The following ALOX5 variants were observed in gnomAD, a reference collection of about 807,000 sequenced individuals.
ALOX5 encodes arachidonate 5-lipoxygenase.
Under a neutral mutation model 87.9 loss-of-function variants are expected in ALOX5, and 64 were observed. The ratio of observed to expected loss-of-function variants is 0.73; its 90% CI spans 0.60 to 0.90. The LOEUF (loss-of-function observed/expected upper bound fraction) is 0.90. Ranked by LOEUF, ALOX5 falls within the 40% of genes least tolerant of loss-of-function variation. ALOX5 has a pLI of 0.00. For missense variants in ALOX5, 822 were observed against 907.5 expected, an observed-to-expected ratio of 0.91 and a Z score of 1.21; for synonymous variants, 388 against 355.1, an observed-to-expected ratio of 1.09 and a Z score of -1.04.
At chr10:45,406,490 C>A (rs927841585) in intron 3 of ALOX5, among the ~76,000 whole-genome samples, 5 of 152,174 alleles carry the variant, frequency 3.3e-5, no homozygotes, top group African/African-American at 1.2e-4. Flanking sequence ...TACTGAGATT[C>A]AGTCTTTCCA....
rs1411503989 is a variant in ALOX5, at chr10:45,443,323, G to T, written c.1452-93G>T. 5.1e-6 allele frequency: 8 copies of T among 1,584,072 alleles called. No homozygotes were observed. In the East Asian group the frequency reaches 9.0e-5, roughly 18 times the overall value. On this transcript the variant is annotated intron_variant, in intron 10 of 13. Transcript: ENST00000374391. ...CGCTAGCGCTGAATGGGGACGGGGT[G>T]GGGGAGTCCCAGCGTCCGTGAGGGG...
intron 10 of ALOX5, 48 bp downstream of exon 10, chr10:45,443,264 G>A: frequency 1.3e-6 from 2 of 1,595,144 alleles, no homozygotes; most frequent in Non-Finnish European, 1.7e-6. Flanking sequence ...CGGGACCCCT[G>A]CCTGACTACC....
At chr10:45,422,485 C>T (rs1402928878) in intron 4 of ALOX5, among the ~76,000 whole-genome samples, 2 of 152,162 alleles carry the variant, frequency 1.3e-5, no homozygotes, top group African/African-American at 2.4e-5. Flanking sequence ...AGGAGTGCCC[C>T]GGGCACAGTC....
chr10:45,411,344 T>C (rs190835238), intron 3 of ALOX5, among the ~76,000 whole-genome samples: 175 of 152,298 alleles, frequency 1.1e-3, no homozygotes, highest in Non-Finnish European at 2.1e-3. Context: ...CCTAACCTCC[T>C]GGGAATGCTG....
At chr10:45,423,616 G>A (rs547591353) in intron 4 of ALOX5, among the ~76,000 whole-genome samples, 3 of 152,300 alleles carry the variant, frequency 2.0e-5, no homozygotes, top group Admixed American at 2.0e-4. Context: ...CAAACACGGA[G>A]CCATTTAGCA....
chr10:45,437,022 C>T (rs1306110394), intron 7 of ALOX5, among the ~76,000 whole-genome samples: 1 of 152,194 alleles, frequency 6.6e-6, no homozygotes, highest in East Asian at 1.9e-4. Flanking sequence ...ATATGGTTCT[C>T]AGCCTGAACC....
chr10:45,426,624 G>T (rs1766955264), intron 6 of ALOX5, among the ~76,000 whole-genome samples: 1 of 152,300 alleles, frequency 6.6e-6, no homozygotes, highest in South Asian at 2.1e-4. Context: ...TGAGTTCTTA[G>T]ACTTTATATT....
chr10:45,418,509 G>T (rs1159941766), intron 4 of ALOX5, among the ~76,000 whole-genome samples: 1 of 152,178 alleles, frequency 6.6e-6, no homozygotes, highest in African/African-American at 2.4e-5. Context: ...TCACACACCG[G>T]CCTAGGGCTG....
chr10:45,425,027 T>G lies in ALOX5; in HGVS notation c.729T>G (p.Pro243=), dbSNP rs991395117. 4 of 1,614,184 alleles carry G rather than the reference T, an allele frequency of 2.5e-6. No homozygotes were observed. Among genetic ancestry groups the G allele is most frequent in the Admixed American group, 1.7e-5 (1 of 60,028 alleles). Reference sequence around the variant, plus strand: ...ACCAGTTCCTGAATGGCTGCAACCCTGTGTTGATCCGGCGCTGCACAGAGC... The same window carrying G: ...ACCAGTTCCTGAATGGCTGCAACCCGGTGTTGATCCGGCGCTGCACAGAGC... The part of the protein sequence containing the change: ...FGYQFLNGCN[P]VLIRRCTELP... The change falls in exon 6 of 14, where the codon CCT becomes CCG. Residue 243 remains proline (P), a synonymous_variant. Coordinates refer to ENST00000374391, the MANE Select transcript of ALOX5 (RefSeq NM_000698.5). The surrounding 1 kb of genome is among the most constrained non-coding windows in gnomAD (Gnocchi z 4.4).
intron 2 of ALOX5, among the ~76,000 whole-genome samples, chr10:45,392,847 AT>A (rs1331464087): frequency 3.3e-5 from 5 of 152,238 alleles, no homozygotes; most frequent in Non-Finnish European, 7.3e-5. Context: ...TAACTAGAAA[AT>A]CTAGAAAAAA....
Position 45,443,511 on chromosome 10 carries a change from A to G in ALOX5, c.1547A>G (p.Tyr516Cys). Residue 516 changes from tyrosine to cysteine, a missense_variant, in exon 11 of 14, where the codon TAC (tyrosine) becomes TGC (cysteine). By Grantham distance (194) the Tyr-to-Cys change is radical. Transcript: ENST00000374391. ...LQDFVNDVYVYGMRGRKSSGF... is the reference protein window; with the variant it reads ...LQDFVNDVYVCGMRGRKSSGF... ...GACTTCGTGAACGATGTCTACGTGTACGGCATGCGGGGCCGCAAGTCCTCA... is the reference window on the plus strand; with the variant it reads ...GACTTCGTGAACGATGTCTACGTGTGCGGCATGCGGGGCCGCAAGTCCTCA... The G allele has an allele frequency of 6.2e-7, 1 of 1,613,014 alleles. No homozygotes were observed. Among genetic ancestry groups the G allele is most frequent in the South Asian group, 1.1e-5 (1 of 91,074 alleles).
At chr10:45,416,928 A>G (rs1202859894) in intron 4 of ALOX5, among the ~76,000 whole-genome samples, 2 of 151,604 alleles carry the variant, frequency 1.3e-5, no homozygotes, top group African/African-American at 2.4e-5. Flanking sequence ...AGACAGAGAG[A>G]TGGATGGATA....
intron 4 of ALOX5, among the ~76,000 whole-genome samples, chr10:45,413,929 A>G (rs983131070): frequency 1.2e-4 from 18 of 152,280 alleles, no homozygotes; most frequent in Admixed American, 7.2e-4. Context: ...ACTGCTCAAC[A>G]AAATAAAAGA....
intron 1 of ALOX5, among the ~76,000 whole-genome samples, chr10:45,379,310 A>G (rs571619083): frequency 2.6e-5 from 4 of 152,066 alleles, no homozygotes; most frequent in Non-Finnish European, 5.9e-5. Context: ...TCAGAGCCAT[A>G]GGAAAGCTAC....
In ALOX5 at chr10:45,374,269, C is replaced by A. The variant is rs766798567; in HGVS notation, c.-11C>A. 6 of 1,468,454 alleles carry A rather than the reference C, an allele frequency of 4.1e-6. No homozygotes were observed. The South Asian group carries it at 5.3e-5, about 13-fold the overall frequency. The allele number at this position is 1,468,454 out of a possible 1,614,324, so 91.0% of individuals were successfully genotyped here. A position where few individuals can be genotyped will look rare whatever the true frequency, so the allele number is the denominator to read the frequency against. On this transcript the variant is annotated 5_prime_UTR_variant, in exon 1 of 14. Transcript: ENST00000374391. Reference sequence around the variant, plus strand: ...AGGCTCCCGGCGCTCGCTGCTCCCGCGGCCCGCGCCATGCCCTCCTACACG... The same window carrying A: ...AGGCTCCCGGCGCTCGCTGCTCCCGAGGCCCGCGCCATGCCCTCCTACACG...
intron 6 of ALOX5, among the ~76,000 whole-genome samples, chr10:45,427,572 G>T (rs1044373832): frequency 1.3e-5 from 2 of 152,226 alleles, no homozygotes; most frequent in African/African-American, 2.4e-5. Context: ...GCGCGGGCGC[G>T]GTCGGTGGAG....
At chr10:45,442,351 G>A (rs1326343105) in intron 9 of ALOX5, among the ~76,000 whole-genome samples, 1 of 152,220 alleles carries the variant, frequency 6.6e-6, no homozygotes, top group African/African-American at 2.4e-5. Flanking sequence ...AAGTGCTGGG[G>A]GGCAGCTCTG....
intron 3 of ALOX5, among the ~76,000 whole-genome samples, chr10:45,401,530 C>T (rs867056576): frequency 3.9e-5 from 6 of 152,146 alleles, no homozygotes; most frequent in African/African-American, 1.4e-4. Context: ...TTGCATCCTC[C>T]TTGCTGCCCT....
In ALOX5 at chr10:45,446,031, T is replaced by G; in HGVS notation, c.*344T>G. On this transcript the variant is annotated 3_prime_UTR_variant, in exon 14 of 14. Coordinates refer to ENST00000374391, the MANE Select transcript of ALOX5 (RefSeq NM_000698.5). ...TCTGTTCTATTTGTGCTTAGTCCAA[T>G]TCCTTGCACATAGTAGGTACCCAAT... 2 of 277,256 alleles carry G rather than the reference T, an allele frequency of 7.2e-6. No individual in the cohort carries two copies. The highest frequency in any genetic ancestry group is 6.7e-6 in the Non-Finnish European group (1 of 148,184). The allele number at this position is 277,256 out of a possible 1,614,324, so 17.2% of individuals were successfully genotyped here. A position where few individuals can be genotyped will look rare whatever the true frequency, so the allele number is the denominator to read the frequency against.
Sources: allele counts gnomAD v4.1 joint callset (sites outside exome capture counted in the v4.1 genomes callset), GRCh38; gene constraint gnomAD v4.1.1; non-coding constraint Gnocchi (gnomAD v3.1); transcripts MANE v1.5; gene names NCBI Gene and HGNC (gene_info 2026-07-23, HGNC 2026-07-21).